Variants in TNS1 observed in about 807,000 individuals in gnomAD.
TNS1 encodes the protein tensin-1.
In TNS1, 62 loss-of-function variants were observed where a neutral mutation model predicts 168.6. The observed-to-expected ratio is 0.37, with a 90% CI of 0.30 to 0.45. The LOEUF (loss-of-function observed/expected upper bound fraction) is 0.45, where lower values mean the gene tolerates loss of function less well. Among genes scored for constraint, TNS1 ranks in the 20% least tolerant of loss-of-function variants. The pLI is 1.00. For synonymous variants in TNS1, 934 were observed against 933.2 expected (o/e 1.00, Z -0.02); for missense variants, 2,240 against 2,339.4 (o/e 0.96, Z 0.88).
In TNS1 at chr2:217,886,095, G is replaced by A. The variant is rs892568680; in HGVS notation, c.989C>T (p.Pro330Leu). 3.1e-6 allele frequency: 5 copies of A among 1,613,840 alleles called. No homozygotes were observed. In the African/African-American group the frequency reaches 5.3e-5, roughly 17 times the overall value. Residue 330 changes from proline (P) to leucine (L), a missense_variant, in exon 14 of 33, where the codon CCA becomes CTA. Pro to Leu is a moderately conservative substitution (Grantham distance 98). This residue lies in a region of TNS1 where 2,131 missense variants were observed against 2,171.2 expected (regional missense o/e 0.98). Transcript: ENST00000682258. ...CATGGCCTGGTAGATGCGGAGAAAT[G>A]GCCGACATCCTGTAAAAGTGGGGTG... ...PNFESKGGCRPFLRIYQAMQP... is the reference protein window; with the variant it reads ...PNFESKGGCRLFLRIYQAMQP...
chr2:218,001,790 A>G (rs549019801), intron 1 of TNS1, among the ~76,000 whole-genome samples: 1 of 132,126 alleles, frequency 7.6e-6, no homozygotes, highest in African/African-American at 3.0e-5. Context: ...TTGTGTTCCC[A>G]CAACTGCCCC....
At chr2:217,805,505 CA>C (rs1938507108) in intron 32 of TNS1, among the ~76,000 whole-genome samples, 3 of 69,642 alleles carry the variant, frequency 4.3e-5, no homozygotes, top group African/African-American at 6.9e-5. Context: ...CCACACACAC[CA>C]CCACACACAC....
intron 1 of TNS1, among the ~76,000 whole-genome samples, chr2:218,008,816 A>T (rs920294853): frequency 4.6e-5 from 7 of 152,102 alleles, no homozygotes; most frequent in African/African-American, 1.7e-4. Context: ...CCATCCCTAC[A>T]TACTCCAACT....
Position 217,821,522 on chromosome 2 carries a change from G to A in TNS1, c.3572+218C>T, listed in dbSNP as rs543667471. ...GTTTTGGATGGGCGGAATTGAATGC[G>A]GCCTGGGAATTATAGGTCACTGGGC... On this transcript the variant is annotated intron_variant, in intron 23 of 32. Transcript: ENST00000682258. Among the ~76,000 whole-genome samples, 21 of 152,280 alleles carry A rather than the reference G, an allele frequency of 1.4e-4. 1 individual carries two copies. The highest frequency in any genetic ancestry group is 5.8e-4 in the East Asian group (3 of 5,174).
chr2:217,832,020 A>G (rs1944503313), intron 21 of TNS1, among the ~76,000 whole-genome samples: 1 of 151,984 alleles, frequency 6.6e-6, no homozygotes, highest in Admixed American at 6.6e-5. Flanking sequence ...TTCAGAAGAG[A>G]ACAGAAGAAA....
chr2:217,989,785 A>C (rs1410813154), intron 2 of TNS1, among the ~76,000 whole-genome samples: 1 of 152,018 alleles, frequency 6.6e-6, no homozygotes. Context: ...TGCCAAGCAC[A>C]TGCCACCCAC....
At chr2:217,919,523 G>A (rs1955500975) in intron 4 of TNS1, among the ~76,000 whole-genome samples, 1 of 152,228 alleles carries the variant, frequency 6.6e-6, no homozygotes, top group Non-Finnish European at 1.5e-5. Flanking sequence ...TGGTGGGGAG[G>A]AAGAAGACCT....
chr2:217,877,751 G>T (rs1042219480), intron 18 of TNS1, among the ~76,000 whole-genome samples: 3 of 152,204 alleles, frequency 2.0e-5, no homozygotes, highest in Non-Finnish European at 4.4e-5. Context: ...GGGGCAGCAG[G>T]AGGGCCTCCT....
chr2:217,976,936 G>A (rs572780542), intron 3 of TNS1, among the ~76,000 whole-genome samples: 1 of 152,244 alleles, frequency 6.6e-6, no homozygotes, highest in Non-Finnish European at 1.5e-5. Flanking sequence ...GGGACAGAGA[G>A]CAGGTGAAGA....
At chr2:217,815,353 C>T in intron 24 of TNS1, 1 of 226,018 alleles carries the variant, frequency 4.4e-6, no homozygotes, top group South Asian at 1.2e-4. Context: ...CCTAGAACAT[C>T]AGGAAGGAGC....
intron 3 of TNS1, among the ~76,000 whole-genome samples, chr2:217,957,285 G>A (rs56246725): frequency 0.099 from 15,086 of 152,148 alleles, 1,323 homozygotes; most frequent in African/African-American, 0.24. Flanking sequence ...AAGCAGCCAT[G>A]CAAGCTCCCC....
upstream of TNS1, among the ~76,000 whole-genome samples, chr2:218,004,697 T>G (rs1235156127): frequency 1.3e-5 from 2 of 152,158 alleles, no homozygotes; most frequent in African/African-American, 2.4e-5. Flanking sequence ...GGTACCTGAG[T>G]GAAGAGTCTT....
chr2:217,893,302 C>G, intron 10 of TNS1, 137 bp downstream of exon 10: 2 of 1,407,840 alleles, frequency 1.4e-6, no homozygotes, highest in Non-Finnish European at 1.9e-6. Flanking sequence ...AAAATACACA[C>G]AGACTTATAT....
rs78690988 is a variant in TNS1 at position 217,954,684 on chromosome 2, C to A, written c.186+24081G>T. On this transcript the variant is annotated intron_variant, in intron 3 of 32. Transcript: ENST00000682258. ...CCACTGCCAAGGAGGGTGGCGCAGA[C>A]CCCACTGTCAAGAGCCCCAGCAGCC... Among the ~76,000 whole-genome samples the A allele has an allele frequency of 7.2e-3, 1,090 of 152,222 alleles. 9 individuals are homozygous for A. Among genetic ancestry groups the A allele is most frequent in the African/African-American group, 0.016 (673 of 41,538 alleles).
intron 23 of TNS1, among the ~76,000 whole-genome samples, chr2:217,821,195 A>G (rs1379273279): frequency 6.6e-6 from 1 of 152,162 alleles, no homozygotes; most frequent in Non-Finnish European, 1.5e-5. Flanking sequence ...GCCATGATGC[A>G]GGTCTGGGGC....
At chr2:217,943,655 G>A (rs1957023170) in intron 3 of TNS1, among the ~76,000 whole-genome samples, 1 of 152,194 alleles carries the variant, frequency 6.6e-6, no homozygotes. Context: ...ACAGGGGACT[G>A]ACAAGGTTGG....
chr2:217,836,237 A>G, intron 19 of TNS1, 26 bp from the exon 20 acceptor site: 1 of 1,583,206 alleles, frequency 6.3e-7, no homozygotes, highest in South Asian at 1.1e-5. Context: ...GGTGTAGAGG[A>G]CAATGAGCAT....
At chr2:218,031,943 T>A (rs1342690243) in intron 1 of TNS1, among the ~76,000 whole-genome samples, 2 of 152,086 alleles carry the variant, frequency 1.3e-5, no homozygotes. Context: ...TCCCGCCCCA[T>A]CCACAAGCAC....
intron 18 of TNS1, among the ~76,000 whole-genome samples, chr2:217,851,265 GT>G (rs1198911111): frequency 1.3e-5 from 2 of 152,078 alleles, no homozygotes; most frequent in African/African-American, 4.8e-5. Flanking sequence ...TAGGCCAGAA[GT>G]GGCAGCCTCT....
Sources: gnomAD v4.1 joint callset for allele counts (sites outside exome capture counted in the v4.1 genomes callset) on GRCh38, gnomAD v4.1.1 for gene constraint, gnomAD v4.1.1 regional missense constraint, MANE v1.5 for transcripts, NCBI Gene and HGNC (gene_info 2026-07-23, HGNC 2026-07-21) for gene names.